The following UXS1 variants were observed in gnomAD, a reference collection of about 807,000 sequenced individuals.
UXS1 encodes the protein UDP-glucuronic acid decarboxylase 1.
A neutral mutation model predicts 62.6 loss-of-function variants in UXS1; 33 were observed. That is an observed-to-expected ratio of 0.53 (90% CI 0.40 to 0.70). UXS1 has a LOEUF of 0.70. Among genes scored for constraint, UXS1 ranks in the 30% least tolerant of loss-of-function variants. UXS1 has a pLI of 0.00. For missense variants in UXS1, 434 were observed against 556.3 expected (o/e 0.78, Z 2.21); for synonymous variants, 213 against 206.8 (o/e 1.03, Z -0.26).
At chr2:106,157,465 T>A (rs1371170822) in intron 5 of UXS1, among the ~76,000 whole-genome samples, 1 of 152,150 alleles carries the variant, frequency 6.6e-6, no homozygotes, top group African/African-American at 2.4e-5. Flanking sequence ...ATTTCATACT[T>A]CCTCAAAAAG....
Position 106,103,619 on chromosome 2 carries a change from T to C in UXS1, c.923+1175A>G, listed in dbSNP as rs148563168. ...GTCCCAAAGCGGGGGCAGCTGCCAT[T>C]TCCCTGTTAAATCGCTTTTTAGAAT... is the stretch of plus-strand genomic sequence containing the variant. On this transcript the variant is annotated intron_variant, in intron 11 of 14. Coordinates refer to ENST00000283148, the MANE Select transcript of UXS1 (RefSeq NM_001253875.2). Among the ~76,000 whole-genome samples the C allele has an allele frequency of 4.2e-3, 633 of 152,334 alleles. 4 individuals carry two copies. Among genetic ancestry groups the C allele is most frequent in the African/African-American group, 0.015 (613 of 41,586 alleles).
In UXS1 at chr2:106,158,139, C is replaced by G. The variant is rs58585435; in HGVS notation, c.231-21G>C. 1.6e-4 allele frequency: 246 copies of G among 1,539,482 alleles called. No individual in the cohort carries two copies. In the African/African-American group the frequency reaches 3.0e-3, roughly 19 times the overall value. ...TAAAGCTGTATAATATAAAGAGATT[C>G]AAAAGGAAAAAGTCAAACATCTCAT... On this transcript the variant is annotated intron_variant, in intron 4 of 14. Coordinates refer to ENST00000283148, the MANE Select transcript of UXS1 (RefSeq NM_001253875.2).
intron 5 of UXS1, among the ~76,000 whole-genome samples, chr2:106,149,246 A>G (rs1248303387): frequency 6.6e-6 from 1 of 152,198 alleles, no homozygotes; most frequent in Admixed American, 6.5e-5. Context: ...TAAATTCTAT[A>G]ATACTCAGCA....
At chr2:106,097,150 C>T (rs1677184373) in intron 13 of UXS1, 1 of 488,012 alleles carries the variant, frequency 2.0e-6, no homozygotes, top group Non-Finnish European at 4.0e-6. Context: ...CACCAGGTAA[C>T]AAGTGCAGAC....
At chr2:106,144,777 A>G (rs771346027) in intron 6 of UXS1, among the ~76,000 whole-genome samples, 10 of 152,240 alleles carry the variant, frequency 6.6e-5, no homozygotes, top group South Asian at 2.1e-4. Context: ...GGCCTCTTTT[A>G]TAAAAACACT....
At chr2:106,164,511 T>C (rs1683092242) in intron 3 of UXS1, among the ~76,000 whole-genome samples, 1 of 152,218 alleles carries the variant, frequency 6.6e-6, no homozygotes, top group Non-Finnish European at 1.5e-5. Flanking sequence ...TGTAAAAGTC[T>C]AAATCCATTT....
At chr2:106,096,974 A>C (rs1324001138) in intron 13 of UXS1, 153 bp from the exon 14 acceptor site, 2 of 792,472 alleles carry the variant, frequency 2.5e-6, no homozygotes, top group Non-Finnish European at 4.3e-6. Flanking sequence ...GGAGCTCCCG[A>C]GGGACTGTTC....
chr2:106,118,994 CCTT>C (rs1428772753), intron 9 of UXS1, among the ~76,000 whole-genome samples: 1 of 152,232 alleles, frequency 6.6e-6, no homozygotes, highest in Admixed American at 6.5e-5. Context: ...GGTTCATCCT[CCTT>C]GATTTTATTT....
At chr2:106,145,092 A>G (rs1458157194) in intron 6 of UXS1, 98 bp downstream of exon 6, 3 of 1,330,872 alleles carry the variant, frequency 2.3e-6, no homozygotes, top group East Asian at 2.3e-5. Flanking sequence ...CATAGCTTTC[A>G]ATGTGCTGAG....
chr2:106,164,890 C>T, intron 2 of UXS1, 91 bp from the exon 3 acceptor site: 1 of 857,518 alleles, frequency 1.2e-6, no homozygotes, highest in South Asian at 1.7e-5. Context: ...TGCAGACCAC[C>T]TCTGTCTCCT....
chr2:106,122,209 G>A (rs764475040), intron 9 of UXS1, among the ~76,000 whole-genome samples: 1 of 152,204 alleles, frequency 6.6e-6, no homozygotes, highest in African/African-American at 2.4e-5. Context: ...CACTATACCA[G>A]AGGGCATTTT....
chr2:106,108,939 C>G (rs892488529), intron 10 of UXS1, among the ~76,000 whole-genome samples: 11 of 152,020 alleles, frequency 7.2e-5, no homozygotes, highest in Non-Finnish European at 1.6e-4. Context: ...ACAAGAAACC[C>G]TTACCCTCGA....
At chr2:106,108,724 G>A (rs898544588) in intron 10 of UXS1, among the ~76,000 whole-genome samples, 1 of 152,188 alleles carries the variant, frequency 6.6e-6, no homozygotes, top group Non-Finnish European at 1.5e-5. Context: ...CAACAGGGGA[G>A]AGGACCGGCC....
chr2:106,194,293 G>C lies in UXS1; in HGVS notation c.-52C>G. The C allele has an allele frequency of 9.3e-7, 1 of 1,078,678 alleles. No individual in the cohort carries two copies. The highest frequency in any genetic ancestry group is 1.2e-6 in the Non-Finnish European group (1 of 867,806). The allele number at this position is 1,078,678 out of a possible 1,614,324, so 66.8% of individuals were successfully genotyped here. On this transcript the variant is annotated 5_prime_UTR_variant, in exon 1 of 15. Transcript: ENST00000283148. ...CCTACCGCGCGGGGGCCCGCCTGCT[G>C]CACAATGCGCGGCGGCGGCGGCGGC...
intron 1 of UXS1, among the ~76,000 whole-genome samples, chr2:106,171,709 C>CA (rs1683573030): frequency 6.6e-6 from 1 of 152,232 alleles, no homozygotes; most frequent in Non-Finnish European, 1.5e-5. Flanking sequence ...CTGGATCAGG[C>CA]AAAATCACCA....
chr2:106,097,036 T>G (rs1677173426), intron 13 of UXS1: 2 of 673,538 alleles, frequency 3.0e-6, no homozygotes, highest in Non-Finnish European at 5.4e-6. Context: ...AAGCTGACTG[T>G]GTGCAGGCGC....
intron 11 of UXS1, among the ~76,000 whole-genome samples, chr2:106,103,470 G>A (rs1323527712): frequency 1.3e-5 from 2 of 152,164 alleles, no homozygotes; most frequent in South Asian, 2.1e-4. Flanking sequence ...ATAAGAACGC[G>A]TCACTATGGA....
intron 1 of UXS1, among the ~76,000 whole-genome samples, chr2:106,180,274 G>A (rs1029092560): frequency 1.3e-5 from 2 of 152,250 alleles, no homozygotes. Context: ...TTAGCTGGAA[G>A]GGAGCGATGC....
At chr2:106,108,045 T>C (rs573240830) in intron 10 of UXS1, among the ~76,000 whole-genome samples, 6 of 152,324 alleles carry the variant, frequency 3.9e-5, no homozygotes, top group African/African-American at 1.4e-4. Context: ...TCCTGAAAGT[T>C]TGTATGCTCC....
Sources: allele counts gnomAD v4.1 joint callset (sites outside exome capture counted in the v4.1 genomes callset), GRCh38; gene constraint gnomAD v4.1.1; transcripts MANE v1.5; gene names NCBI Gene and HGNC (gene_info 2026-07-23, HGNC 2026-07-21).